Variants in GATA1 observed in about 807,000 individuals in gnomAD.
GATA1 encodes erythroid transcription factor.
Under a neutral mutation model 18.9 loss-of-function variants are expected in GATA1, and 2 were observed. The ratio of observed to expected loss-of-function variants is 0.11; its 90% CI spans 0.04 to 0.33. The LOEUF (loss-of-function observed/expected upper bound fraction) is 0.33, where lower values mean the gene tolerates loss of function less well. Among genes scored for constraint, GATA1 ranks in the 10% least tolerant of loss-of-function variants. The pLI, the probability that GATA1 is intolerant of heterozygous loss-of-function variation, is 1.00. For missense variants in GATA1, 272 were observed against 344.7 expected (o/e 0.79, Z 1.67); for synonymous variants, 152 against 149.1 (o/e 1.02, Z -0.14).
At position 48,793,988 on chromosome X, in the gene GATA1, G is replaced by C. The variant is rs1557020608; in HGVS notation, c.1066G>C (p.Gly356Arg). 1 of 1,208,399 alleles carries C rather than the reference G, an allele frequency of 8.3e-7. No homozygotes were observed. The highest frequency in any genetic ancestry group is 1.8e-5 in the South Asian group (1 of 56,285). Reference sequence around the variant, plus strand: ...GGAGGTGGCTTCAGGCCTGACACTGGGCCCCCCAGGTACTGCCCATCTCTA... The same window carrying C: ...GGAGGTGGCTTCAGGCCTGACACTGCGCCCCCCAGGTACTGCCCATCTCTA... ...CGEVASGLTL[G>R]PPGTAHLYQG... Residue 356 changes from glycine (G) to arginine (R), a missense_variant, in exon 6 of 6, where the codon GGC (glycine) becomes CGC (arginine). Gly to Arg is a moderately radical substitution (Grantham distance 125). Transcript: ENST00000376670.
Position 48,794,055 on chromosome X carries a change from A to G in GATA1, c.1133A>G (p.His378Arg). ...GPVVLSGPVS[H>R]LMPFPGPLLG... is the part of the protein sequence containing the mutation. ...GTGGTGCTGTCAGGGCCTGTTAGCC[A>G]CCTCATGCCTTTCCCTGGACCCCTA... The change falls in exon 6 of 6, where the codon CAC (histidine) becomes CGC (arginine). Residue 378 changes from histidine (H) to arginine (R), a missense_variant. Transcript: ENST00000376670. 1 of 1,210,084 alleles carries G rather than the reference A, an allele frequency of 8.3e-7. No individual in the cohort carries two copies. The highest frequency in any genetic ancestry group is 3.0e-5 in the East Asian group (1 of 33,766).
At chrX:48,792,522 G>C (rs1401333356) in intron 4 of GATA1, 54 bp downstream of exon 4, 1 of 1,192,029 alleles carries the variant, frequency 8.4e-7, no homozygotes, top group Non-Finnish European at 1.1e-6. Context: ...TCCTCACCCT[G>C]TACAAGAAGC....
At chrX:48,792,277 A>AAGCTG (rs2062677700) in intron 3 of GATA1, 46 bp from the exon 4 acceptor site, 2 of 1,209,749 alleles carry the variant, frequency 1.7e-6, no homozygotes, top group African/African-American at 3.5e-5. Context: ...GCCCAAAGTA[A>AAGCTG]AGCTGAGCTG....
intron 2 of GATA1, 142 bp from the exon 3 acceptor site, chrX:48,791,702 C>A (rs782224378): frequency 2.9e-6 from 2 of 695,611 alleles, no homozygotes; most frequent in Non-Finnish European, 4.4e-6. Flanking sequence ...ATCCAATGGC[C>A]AGCAGCTGTT....
At position 48,791,267 on chromosome X, in the gene GATA1, C is replaced by A. The variant is rs142614402; in HGVS notation, c.158C>A (p.Ala53Asp). The change falls in exon 2 of 6, where the codon GCC (alanine) becomes GAC (aspartate). Residue 53 changes from alanine (A) to aspartate (D), a missense_variant. Physicochemically the swap from Ala to Asp is moderately radical, Grantham distance 126 (BLOSUM62 -2). This residue lies in a region of GATA1 where 147 missense variants were observed against 157.4 expected (regional missense o/e 0.93). Transcript: ENST00000376670. ...AAASSTAPSTATAAAAALAYY... is the reference protein window; with the variant it reads ...AAASSTAPSTDTAAAAALAYY... ...GCTTCCTCCACTGCCCCGAGCACAGCCACCGCTGCAGCTGCGGCACTGGCC... is the reference window on the plus strand; with the variant it reads ...GCTTCCTCCACTGCCCCGAGCACAGACACCGCTGCAGCTGCGGCACTGGCC... 4.6e-5 allele frequency: 56 copies of A among 1,205,420 alleles called. No individual in the cohort carries two copies. In the African/African-American group the frequency reaches 9.3e-4, roughly 20 times the overall value.
chrX:48,792,556 C>T (rs782046941), intron 4 of GATA1, 88 bp downstream of exon 4: 130 of 1,128,623 alleles, frequency 1.2e-4, no homozygotes, highest in South Asian at 5.4e-4. Flanking sequence ...TATATAGGAA[C>T]GCTGTTCTCA....
At chrX:48,790,375 C>T (rs781969014) in intron 1 of GATA1, among the ~76,000 whole-genome samples, 2 of 110,810 alleles carry the variant, frequency 1.8e-5, no homozygotes, top group Non-Finnish European at 1.9e-5. Flanking sequence ...GGATCACTGC[C>T]GGGAGGCAGT....
intron 4 of GATA1, among the ~76,000 whole-genome samples, 160 bp from the exon 5 acceptor site, chrX:48,793,012 T>C (rs1557020402): frequency 1.8e-5 from 2 of 111,287 alleles, no homozygotes; most frequent in Non-Finnish European, 3.8e-5. Flanking sequence ...TAGGAACCCC[T>C]GTACTGGCCC....
chrX:48,793,674 A>T, intron 5 of GATA1, 119 bp from the exon 6 acceptor site: 1 of 1,046,493 alleles, frequency 9.6e-7, no homozygotes, highest in Non-Finnish European at 1.3e-6. Context: ...TTCCTTGGAC[A>T]ATCTCAGCAC....
intron 1 of GATA1, among the ~76,000 whole-genome samples, chrX:48,790,042 G>A (rs2062669229): frequency 9.2e-6 from 1 of 108,773 alleles, no homozygotes; most frequent in African/African-American, 3.4e-5. Flanking sequence ...GAGGAGGGGA[G>A]GAGAGGAGAT....
At chrX:48,790,739 G>A (rs1317616792) in intron 1 of GATA1, among the ~76,000 whole-genome samples, 3 of 103,256 alleles carry the variant, frequency 2.9e-5, no homozygotes, top group African/African-American at 1.1e-4. Flanking sequence ...GAGAGAGAAT[G>A]GAAGGAAGAA....
chrX:48,791,738 A>C, intron 2 of GATA1, 106 bp from the exon 3 acceptor site: 1 of 959,647 alleles, frequency 1.0e-6, no homozygotes, highest in Non-Finnish European at 1.5e-6. Context: ...AAAGCTGGGA[A>C]CTTGGCCACC....
chrX:48,789,886 A>T (rs112226999), intron 1 of GATA1, among the ~76,000 whole-genome samples: 75 of 110,130 alleles, frequency 6.8e-4, no homozygotes, highest in African/African-American at 2.3e-3. Flanking sequence ...GAAGTTGGGG[A>T]GCAGAGGATG....
intron 4 of GATA1, 76 bp downstream of exon 4, chrX:48,792,544 A>G: frequency 8.7e-7 from 1 of 1,153,781 alleles, no homozygotes; most frequent in South Asian, 1.8e-5. Context: ...ACATCTTCCC[A>G]TTATATAGGA....
At chrX:48,792,553 G>A in intron 4 of GATA1, 85 bp downstream of exon 4, 2 of 1,142,180 alleles carry the variant, frequency 1.8e-6, no homozygotes, top group Non-Finnish European at 2.4e-6. Flanking sequence ...CATTATATAG[G>A]AACGCTGTTC....
At position 48,791,271 on chromosome X, in the gene GATA1, C is replaced by A; in HGVS notation, c.162C>A (p.Thr54=). The change falls in exon 2 of 6, where the codon ACC becomes ACA. Residue 54 remains threonine (T), a synonymous_variant. Transcript: ENST00000376670. ...AASSTAPSTA[T]AAAAALAYYR... Reference sequence around the variant, plus strand: ...CCTCCACTGCCCCGAGCACAGCCACCGCTGCAGCTGCGGCACTGGCCTACT... The same window carrying A: ...CCTCCACTGCCCCGAGCACAGCCACAGCTGCAGCTGCGGCACTGGCCTACT... 1 of 1,207,174 alleles carries A rather than the reference C, an allele frequency of 8.3e-7. No individual in the cohort carries two copies. The highest frequency in any genetic ancestry group is 1.1e-6 in the Non-Finnish European group (1 of 893,361).
At chrX:48,789,789 C>A (rs1405030862) in intron 1 of GATA1, among the ~76,000 whole-genome samples, 1 of 110,827 alleles carries the variant, frequency 9.0e-6, no homozygotes, top group African/African-American at 3.3e-5. Flanking sequence ...TCTGTAGACG[C>A]AACAGAGGTG....
Position 48,791,310 on chromosome X carries a change from G to A in GATA1, c.201G>A (p.Glu67=), listed in dbSNP as rs61753429. ...CACTGGCCTACTACAGGGACGCTGA[G>A]GCCTACAGACACTCCCCAGGTAACT... is the stretch of plus-strand genomic sequence containing the variant. ...AAALAYYRDA[E]AYRHSPVFQV... Residue 67 remains glutamate (E), a synonymous_variant, in exon 2 of 6, where the codon GAG becomes GAA. Transcript: ENST00000376670. The A allele has an allele frequency of 2.0e-4, 239 of 1,202,115 alleles. No homozygotes were observed. In the African/African-American group the frequency reaches 3.7e-3, roughly 19 times the overall value.
chrX:48,793,874 G>T lies in GATA1; in HGVS notation c.952G>T (p.Gly318Cys). ...ATCTGGAAAAGGGAAAAAGAAACGGGGCTCCAGTCTGGGAGGCACAGGAGC... is the reference window on the plus strand; with the variant it reads ...ATCTGGAAAAGGGAAAAAGAAACGGTGCTCCAGTCTGGGAGGCACAGGAGC... ...KASGKGKKKR[G>C]SSLGGTGAAE... The change falls in exon 6 of 6, where the codon GGC (glycine) becomes TGC (cysteine). Residue 318 changes from glycine to cysteine, a missense_variant. Coordinates refer to ENST00000376670, the MANE Select transcript of GATA1 (RefSeq NM_002049.4). The T allele has an allele frequency of 8.3e-7, 1 of 1,207,658 alleles. No homozygotes were observed. The highest frequency in any genetic ancestry group is 1.1e-6 in the Non-Finnish European group (1 of 893,298).
Sources: allele counts gnomAD v4.1 joint callset (sites outside exome capture counted in the v4.1 genomes callset), GRCh38; gene constraint gnomAD v4.1.1; regional missense constraint gnomAD v4.1.1; transcripts MANE v1.5; gene names NCBI Gene and HGNC (gene_info 2026-07-23, HGNC 2026-07-21).